ZNF385C: variants seen among roughly 807,000 people sequenced by gnomAD.
ZNF385C encodes the protein CTD-2132N18.2.
In ZNF385C, 28 loss-of-function variants were observed where a neutral mutation model predicts 35.4. The ratio of observed to expected loss-of-function variants is 0.79; its 90% CI spans 0.59 to 1.08. The LOEUF (loss-of-function observed/expected upper bound fraction) is 1.08, where lower values mean the gene tolerates loss of function less well. ZNF385C is among the 50% of genes least tolerant of loss of function. The probability of loss-of-function intolerance (pLI) is 0.00; values close to 1 mark genes in which losing one functional copy is unlikely to be tolerated. For missense variants in ZNF385C, 605 were observed against 595.6 expected, an observed-to-expected ratio of 1.02 and a Z score of -0.16; for synonymous variants, 248 against 248.2, an observed-to-expected ratio of 1.00 and a Z score of 0.01.
intron 7 of ZNF385C, 74 bp from the exon 8 acceptor site, chr17:42,027,802 TC>T: frequency 6.8e-7 from 1 of 1,463,800 alleles, no homozygotes. Context: ...CCTCGACTCT[TC>T]CCCTTCCTCT....
Position 42,026,523 on chromosome 17 carries a change from C to A in ZNF385C, c.*374G>T. 1 of 290,272 alleles carries A rather than the reference C, an allele frequency of 3.4e-6. No individual in the cohort carries two copies. Among genetic ancestry groups the A allele is most frequent in the Non-Finnish European group, 6.6e-6 (1 of 151,786 alleles). 18.0% of individuals were successfully genotyped at this position (290,272 alleles called of 1,614,324 possible). ...AGCCCCAAAGCCTAGGAATAGAGGT[C>A]AGAGAGTCGTCCCCTGGCTAGGAGA... On this transcript the variant is annotated 3_prime_UTR_variant, in exon 9 of 9. Transcript: ENST00000692273.
intron 2 of ZNF385C, chr17:42,041,189 C>G: frequency 8.1e-7 from 1 of 1,232,518 alleles, no homozygotes; most frequent in Non-Finnish European, 1.0e-6. Flanking sequence ...GCAATGGCCA[C>G]CTGGGACAGC....
rs1555660455 is a variant in ZNF385C, at chr17:42,090,646, GC to G, written c.-3+7763del. Among the ~76,000 whole-genome samples the G allele has an allele frequency of 2.0e-5, 3 of 151,692 alleles. No homozygotes were observed. In the East Asian group the frequency reaches 6.0e-4, roughly 30 times the overall value. On this transcript the variant is annotated intron_variant, in intron 1 of 8. Coordinates refer to ENST00000692273, the MANE Select transcript of ZNF385C (RefSeq NM_001392013.1). ...ACGGTGGCTCACGCCTGTAATCCCA[GC>G]ACTTTGGGAAGCAGAGGCGGGCGGA... is the stretch of plus-strand genomic sequence containing the variant.
At chr17:42,053,510 G>A (rs1367563242) in intron 2 of ZNF385C, among the ~76,000 whole-genome samples, 3 of 152,082 alleles carry the variant, frequency 2.0e-5, no homozygotes, top group Non-Finnish European at 4.4e-5. Flanking sequence ...GGCAGTTAAA[G>A]GTGAGGTCTG....
At chr17:42,063,606 C>CTA (rs1374788692) in intron 1 of ZNF385C, among the ~76,000 whole-genome samples, 1 of 152,096 alleles carries the variant, frequency 6.6e-6, no homozygotes, top group African/African-American at 2.4e-5. Context: ...TCCGACATGT[C>CTA]TACACACGGG....
In ZNF385C at chr17:42,062,859, G is replaced by A. The variant is rs1205070772; in HGVS notation, c.198C>T (p.Ala66=). The part of the protein sequence containing the change: ...AQAQVHCGGR[A]HQRRLRQLSL... ...TGAGCTGCCGAAGCCGCCTCTGGTGGGCCCGCCCCCCACAGTGCACCTGGG... is the reference window on the plus strand; with the variant it reads ...TGAGCTGCCGAAGCCGCCTCTGGTGAGCCCGCCCCCCACAGTGCACCTGGG... Residue 66 remains alanine, a synonymous_variant, in exon 2 of 9, where the codon GCC becomes GCT. Transcript: ENST00000692273. 2.2e-5 allele frequency: 14 copies of A among 643,308 alleles called. No homozygotes were observed. The highest frequency in any genetic ancestry group is 3.4e-5 in the Non-Finnish European group (12 of 356,302). The allele number at this position is 643,308 out of a possible 1,614,324, so 39.8% of individuals were successfully genotyped here.
intron 2 of ZNF385C, among the ~76,000 whole-genome samples, chr17:42,045,613 G>A (rs1199426251): frequency 3.9e-5 from 6 of 152,324 alleles, no homozygotes; most frequent in African/African-American, 1.4e-4. Flanking sequence ...TGACCCCAAA[G>A]GCTGTACTGA....
chr17:42,055,940 C>T (rs1329150437), intron 2 of ZNF385C, among the ~76,000 whole-genome samples: 4 of 152,170 alleles, frequency 2.6e-5, no homozygotes, highest in Non-Finnish European at 4.4e-5. Flanking sequence ...ACCCCTCTCC[C>T]GCTGGAAGGC....
intron 3 of ZNF385C, among the ~76,000 whole-genome samples, chr17:42,037,378 T>TACACACAC (rs5820441): frequency 2.9e-4 from 42 of 144,642 alleles, no homozygotes; most frequent in African/African-American, 7.7e-4. Flanking sequence ...AGGCACAGGT[T>TACACACAC]ACACACACAC....
chr17:42,056,712 CA>C (rs2053381340), intron 2 of ZNF385C, among the ~76,000 whole-genome samples: 2 of 152,138 alleles, frequency 1.3e-5, no homozygotes, highest in African/African-American at 2.4e-5. Context: ...TTCCCCCATA[CA>C]GTTCTCATGG....
intron 1 of ZNF385C, among the ~76,000 whole-genome samples, chr17:42,096,151 T>C (rs1216536390): frequency 3.9e-5 from 6 of 152,130 alleles, no homozygotes; most frequent in African/African-American, 1.4e-4. Flanking sequence ...TGTGCATGTA[T>C]AAGGACACCC....
intron 1 of ZNF385C, among the ~76,000 whole-genome samples, chr17:42,087,900 C>A (rs1348077649): frequency 1.3e-5 from 2 of 152,228 alleles, no homozygotes; most frequent in African/African-American, 2.4e-5. Context: ...ACATACTGAA[C>A]CCCCACTACC....
rs531174475 is a variant in ZNF385C, at chr17:42,063,747, G to C, written c.-2-689C>G. 1.1e-4 allele frequency among the ~76,000 whole-genome samples: 17 copies of C among 152,254 alleles called. No individual in the cohort carries two copies. In the South Asian group the frequency reaches 3.5e-3, roughly 32 times the overall value. The stretch of plus-strand genomic sequence containing the variant: ...CCAGCTGAGTCACATTTGAGGAAGC[G>C]AGAGTCCTGTTCTCAGCTCTACAGC... On this transcript the variant is annotated intron_variant, in intron 1 of 8. Transcript: ENST00000692273.
At chr17:42,065,224 G>A (rs1555658361) in intron 1 of ZNF385C, 1 of 152,178 alleles carries the variant, frequency 6.6e-6, no homozygotes, top group Non-Finnish European at 1.5e-5. Flanking sequence ...CCATCTTCAA[G>A]CCAAGAAGAG....
At chr17:42,042,562 C>T (rs1159865351) in intron 2 of ZNF385C, among the ~76,000 whole-genome samples, 1 of 152,080 alleles carries the variant, frequency 6.6e-6, no homozygotes, top group African/African-American at 2.4e-5. Flanking sequence ...GTCAATCAAG[C>T]CTCCAGGCCA....
chr17:42,035,661 G>T (rs1362247103), intron 3 of ZNF385C, among the ~76,000 whole-genome samples: 1 of 147,720 alleles, frequency 6.8e-6, no homozygotes, highest in Non-Finnish European at 1.5e-5. Flanking sequence ...AAGTGATTCT[G>T]CTGCCTCAGC....
chr17:42,052,767 G>A (rs781885598), intron 2 of ZNF385C, among the ~76,000 whole-genome samples: 3 of 152,084 alleles, frequency 2.0e-5, no homozygotes, highest in East Asian at 3.9e-4. Flanking sequence ...TGCAGAGACC[G>A]GTGTGCACAC....
At chr17:42,047,930 G>C (rs964335589) in intron 2 of ZNF385C, among the ~76,000 whole-genome samples, 7 of 152,108 alleles carry the variant, frequency 4.6e-5, no homozygotes, top group Admixed American at 3.9e-4. Context: ...TGGGATTATA[G>C]GTGTGAGCCA....
intron 2 of ZNF385C, among the ~76,000 whole-genome samples, chr17:42,059,600 G>T (rs1354559963): frequency 6.2e-5 from 9 of 145,480 alleles, no homozygotes; most frequent in Non-Finnish European, 1.5e-5. Context: ...CTCTTCTGGA[G>T]CTGTGACCTT....
Sources: allele counts gnomAD v4.1 joint callset (sites outside exome capture counted in the v4.1 genomes callset), GRCh38; gene constraint gnomAD v4.1.1; transcripts MANE v1.5; gene names NCBI Gene and HGNC (gene_info 2026-07-23, HGNC 2026-07-21).